The following NAF1 variants were observed in gnomAD, a reference collection of about 807,000 sequenced individuals.
The protein encoded by NAF1 is nuclear assembly factor 1 ribonucleoprotein.
NAF1 carries 11 observed loss-of-function variants against 40.6 expected under a neutral mutation model. The observed-to-expected ratio is 0.27, with a 90% confidence interval of 0.17 to 0.45. NAF1 has a LOEUF of 0.45. Among genes scored for constraint, NAF1 ranks in the 20% least tolerant of loss-of-function variants. The probability of loss-of-function intolerance (pLI) is 1.00; values close to 1 mark genes in which losing one functional copy is unlikely to be tolerated. For synonymous variants in NAF1, 260 were observed against 228.5 expected, an observed-to-expected ratio of 1.14 and a Z score of -1.24; for missense variants, 607 against 611.1, an observed-to-expected ratio of 0.99 and a Z score of 0.07.
chr4:163,153,062 C>A (rs879870979), intron 2 of NAF1, among the ~76,000 whole-genome samples: 8 of 152,214 alleles, frequency 5.3e-5, no homozygotes, highest in African/African-American at 1.9e-4. Flanking sequence ...GATTTCTCGC[C>A]GAGCCTTAGC....
exon 3 of NAF1, chr4:163,110,161 A>C: frequency 1.7e-6 from 1 of 603,612 alleles, no homozygotes; most frequent in South Asian, 2.0e-5. Context: ...TCTATGGATA[A>C]GAATGCTTGA....
chr4:163,127,207 G>A (rs1309401978), downstream of NAF1: 13 of 1,396,506 alleles, frequency 9.3e-6, no homozygotes, highest in Admixed American at 2.9e-5. Flanking sequence ...TCAGCTCATT[G>A]CAACCTCTGC....
At chr4:163,159,500 C>T (rs1732132253) in intron 2 of NAF1, among the ~76,000 whole-genome samples, 1 of 152,068 alleles carries the variant, frequency 6.6e-6, no homozygotes. Context: ...ACAATATATT[C>T]AATTGATAAT....
chr4:163,154,241 G>A (rs891950868), intron 2 of NAF1, among the ~76,000 whole-genome samples: 15 of 152,182 alleles, frequency 9.9e-5, no homozygotes, highest in Non-Finnish European at 1.6e-4. Context: ...ATATAGGAAC[G>A]TACAGTTTCC....
chr4:163,118,744 C>T (rs903951506), intron 2 of NAF1, among the ~76,000 whole-genome samples: 4 of 151,586 alleles, frequency 2.6e-5, no homozygotes, highest in African/African-American at 4.9e-5. Context: ...CAGAGAGAGA[C>T]GCTGTCTCAA....
chr4:163,141,949 T>C (rs1415395684), intron 4 of NAF1: 1 of 979,274 alleles, frequency 1.0e-6, no homozygotes, highest in East Asian at 1.1e-4. Context: ...GCACCACCAT[T>C]CTGAAGATAT....
intron 2 of NAF1, among the ~76,000 whole-genome samples, chr4:163,116,612 A>C (rs1457274067): frequency 6.6e-6 from 1 of 152,142 alleles, no homozygotes; most frequent in Non-Finnish European, 1.5e-5. Flanking sequence ...GAATCCTACA[A>C]TAGTGGCTAC....
chr4:163,133,399 A>G (rs570847052), intron 6 of NAF1, 143 bp from the exon 7 acceptor site: 28 of 582,340 alleles, frequency 4.8e-5, no homozygotes, highest in Non-Finnish European at 8.1e-5. Flanking sequence ...TATTTTCTAT[A>G]TCTGAATTAG....
chr4:163,103,982 AAG>A, the NAF1 span, among the ~76,000 whole-genome samples: 580 of 152,254 alleles, frequency 3.8e-3, 2 homozygotes, highest in Non-Finnish European at 5.2e-3. Flanking sequence ...TGAGTCCAAA[AAG>A]AGAGTCAGAG....
intron 6 of NAF1, 131 bp downstream of exon 6, chr4:163,137,068 G>T (rs190976637): frequency 3.2e-5 from 31 of 955,240 alleles, no homozygotes; most frequent in Non-Finnish European, 4.9e-5. Context: ...GAATACATGC[G>T]CTAGGACAGG....
chr4:163,156,706 T>C (rs1004432190), intron 2 of NAF1, among the ~76,000 whole-genome samples: 2 of 152,184 alleles, frequency 1.3e-5, no homozygotes, highest in South Asian at 2.1e-4. Context: ...TTAACACAGG[T>C]ATAATTTTAA....
intron 2 of NAF1, among the ~76,000 whole-genome samples, chr4:163,117,161 T>G (rs1329062054): frequency 6.6e-6 from 1 of 152,186 alleles, no homozygotes; most frequent in Non-Finnish European, 1.5e-5. Context: ...GATTCAGCCC[T>G]AAGATCATGT....
At chr4:163,122,685 T>C (rs1730548904), downstream of NAF1, among the ~76,000 whole-genome samples, 1 of 152,206 alleles carries the variant, frequency 6.6e-6, no homozygotes, top group Non-Finnish European at 1.5e-5. Flanking sequence ...ATGGGACCTT[T>C]AACAGGTGAG....
intron 2 of NAF1, among the ~76,000 whole-genome samples, chr4:163,155,531 G>A (rs1731952707): frequency 6.6e-6 from 1 of 152,078 alleles, no homozygotes; most frequent in African/African-American, 2.4e-5. Context: ...AAAAAGACTT[G>A]AACCTAATCT....
chr4:163,166,842 AACTTC>A lies in NAF1; in HGVS notation c.-120_-116del. ...AACCGCAGCAACACTGCCTGGGCCC[AACTTC>A]CCGCGTTTCTCAGGTAACTACACGC... On this transcript the variant is annotated 5_prime_UTR_variant, in exon 1 of 8. Coordinates refer to ENST00000274054, the MANE Select transcript of NAF1 (RefSeq NM_138386.3). 1 of 1,393,336 alleles carries A rather than the reference AACTTC, an allele frequency of 7.2e-7. No individual in the cohort carries two copies. Among genetic ancestry groups the A allele is most frequent in the Admixed American group, 2.7e-5 (1 of 36,718 alleles). 86.3% of individuals were successfully genotyped at this position (1,393,336 alleles called of 1,614,324 possible). A position where few individuals can be genotyped will look rare whatever the true frequency, so the allele number is the denominator to read the frequency against.
At chr4:163,151,033 T>C (rs1213187132) in intron 2 of NAF1, among the ~76,000 whole-genome samples, 2 of 152,034 alleles carry the variant, frequency 1.3e-5, no homozygotes, top group Admixed American at 1.3e-4. Context: ...ATCCTGGCCA[T>C]TTTTATGTGT....
At chr4:163,105,114 T>C (rs968848720), downstream of NAF1, among the ~76,000 whole-genome samples, 3 of 152,204 alleles carry the variant, frequency 2.0e-5, no homozygotes, top group East Asian at 3.8e-4. Context: ...CTGGTGTGTA[T>C]TGTTATATGC....
chr4:163,111,558 C>T (rs1730160799), intron 2 of NAF1, among the ~76,000 whole-genome samples: 1 of 152,032 alleles, frequency 6.6e-6, no homozygotes, highest in Admixed American at 6.6e-5. Context: ...CGTTAACATA[C>T]CTATTAGTCA....
chr4:163,152,188 T>C (rs1246544427), intron 2 of NAF1, among the ~76,000 whole-genome samples: 1 of 152,360 alleles, frequency 6.6e-6, no homozygotes, highest in Admixed American at 6.5e-5. Flanking sequence ...TTTATCGGAA[T>C]TTCTTTTTAA....
Sources: allele counts gnomAD v4.1 joint callset (sites outside exome capture counted in the v4.1 genomes callset), GRCh38; gene constraint gnomAD v4.1.1; transcripts MANE v1.5; gene names NCBI Gene and HGNC (gene_info 2026-07-23, HGNC 2026-07-21).